The following CCSER1 variants were observed in gnomAD, a reference collection of about 807,000 sequenced individuals.
CCSER1 encodes coiled-coil serine rich protein 1.
Under a neutral mutation model 82.0 loss-of-function variants are expected in CCSER1, and 41 were observed. The ratio of observed to expected loss-of-function variants is 0.50; its 90% CI spans 0.39 to 0.65. The LOEUF (loss-of-function observed/expected upper bound fraction) is 0.65, where lower values mean the gene tolerates loss of function less well. Ranked by LOEUF, CCSER1 falls within the 30% of genes least tolerant of loss-of-function variation. The pLI, the probability that CCSER1 is intolerant of heterozygous loss-of-function variation, is 0.00. For missense variants in CCSER1, 1,119 were observed against 1,064.2 expected (o/e 1.05, Z -0.72); for synonymous variants, 414 against 383.9 (o/e 1.08, Z -0.92).
rs200732825 is a variant in CCSER1 at position 90,308,993 on chromosome 4, C to T, written c.709C>T (p.Arg237Trp). The T allele has an allele frequency of 3.9e-5, 63 of 1,613,650 alleles. No homozygotes were observed. Among genetic ancestry groups the T allele is most frequent in the South Asian group, 1.2e-4 (11 of 91,088 alleles). Residue 237 changes from arginine to tryptophan, a missense_variant, in exon 2 of 11, where the codon CGG (arginine) becomes TGG (tryptophan). By Grantham distance (101) the Arg-to-Trp change is moderately radical. Coordinates refer to ENST00000509176, the MANE Select transcript of CCSER1 (RefSeq NM_001145065.2). ...SPSCSVDVTE[R>W]AGSSLQSPLL... ...ATCCTGTTCTGTGGATGTAACAGAA[C>T]GGGCAGGAAGCTCTTTACAATCTCC... is the stretch of plus-strand genomic sequence containing the variant.
chr4:90,962,242 C>A (rs1043145022), intron 9 of CCSER1, among the ~76,000 whole-genome samples: 4 of 151,894 alleles, frequency 2.6e-5, no homozygotes, highest in African/African-American at 9.7e-5. Context: ...AAAAAAAAAT[C>A]TCTTAGTAAA....
intron 1 of CCSER1, among the ~76,000 whole-genome samples, chr4:90,180,141 T>TATATAA (rs1349233034): frequency 5.7e-5 from 8 of 139,310 alleles, no homozygotes; most frequent in East Asian, 2.0e-4. Flanking sequence ...TATATATATA[T>TATATAA]AAATTATATT....
intron 10 of CCSER1, among the ~76,000 whole-genome samples, chr4:91,580,492 G>T (rs1057462984): frequency 1.6e-4 from 24 of 151,848 alleles, no homozygotes; most frequent in African/African-American, 5.8e-4. Flanking sequence ...GATGAGAGAT[G>T]ATATGGTTAG....
chr4:91,280,819 G>A (rs1742860060), intron 10 of CCSER1, among the ~76,000 whole-genome samples: 1 of 152,294 alleles, frequency 6.6e-6, no homozygotes, highest in South Asian at 2.1e-4. Flanking sequence ...ACCTGGCTGT[G>A]GGAAGGGAAT....
chr4:91,173,529 G>T (rs528342633), intron 10 of CCSER1, among the ~76,000 whole-genome samples: 15 of 151,434 alleles, frequency 9.9e-5, no homozygotes, highest in South Asian at 2.1e-4. Flanking sequence ...GGGAGGTGGA[G>T]GTTGAAGTGA....
intron 4 of CCSER1, among the ~76,000 whole-genome samples, chr4:90,414,437 G>C (rs1317007572): frequency 6.6e-6 from 1 of 151,492 alleles, no homozygotes; most frequent in African/African-American, 2.4e-5. Context: ...ATTTTCTTGT[G>C]GTAAAATATT....
At chr4:90,187,261 A>C (rs1017149138) in intron 1 of CCSER1, among the ~76,000 whole-genome samples, 1 of 151,928 alleles carries the variant, frequency 6.6e-6, no homozygotes, top group Non-Finnish European at 1.5e-5. Context: ...ACTGCATCAT[A>C]GATTGGAGGC....
rs546892058 is a variant in CCSER1, at chr4:90,544,350, G to A, written c.1724+75996G>A. ...GAACTCACTGAAAGCTGTTATATGC[G>A]TGGTTATGACTTATTATGTCAAAAG... On this transcript the variant is annotated intron_variant, in intron 5 of 10. Coordinates refer to ENST00000509176, the MANE Select transcript of CCSER1 (RefSeq NM_001145065.2). 2.9e-4 allele frequency among the ~76,000 whole-genome samples: 44 copies of A among 152,180 alleles called. 1 individual carries two copies. In the South Asian group the frequency reaches 8.1e-3, roughly 28 times the overall value.
At chr4:90,615,522 A>G (rs2148845652) in intron 5 of CCSER1, among the ~76,000 whole-genome samples, 1 of 152,328 alleles carries the variant, frequency 6.6e-6, no homozygotes, top group East Asian at 1.9e-4. Context: ...GATGACTTCA[A>G]GGGGTTCAAG....
chr4:91,035,456 A>G (rs1741354950), intron 9 of CCSER1, among the ~76,000 whole-genome samples: 1 of 152,198 alleles, frequency 6.6e-6, no homozygotes, highest in African/African-American at 2.4e-5. Flanking sequence ...ATTTTCCTCC[A>G]TAAAACTGAA....
chr4:91,583,313 C>CA (rs770992347), intron 10 of CCSER1, among the ~76,000 whole-genome samples: 26 of 150,706 alleles, frequency 1.7e-4, no homozygotes, highest in Non-Finnish European at 2.2e-4. Context: ...ATATGCTATG[C>CA]AAAAAAAATT....
intron 6 of CCSER1, among the ~76,000 whole-genome samples, chr4:90,691,599 GTGTATATATCA>G (rs1735938070): frequency 6.8e-6 from 1 of 147,352 alleles, no homozygotes; most frequent in African/African-American, 2.5e-5. Context: ...TATATCACAT[GTGTATATATCA>G]CATGTATATA....
intron 10 of CCSER1, among the ~76,000 whole-genome samples, chr4:91,139,448 C>T (rs1728816807): frequency 6.6e-6 from 1 of 152,066 alleles, no homozygotes; most frequent in South Asian, 2.1e-4. Context: ...GAATAAGAGG[C>T]TTTATTATTT....
chr4:91,440,991 C>G (rs1376367344), intron 10 of CCSER1, among the ~76,000 whole-genome samples: 1 of 151,578 alleles, frequency 6.6e-6, no homozygotes, highest in Non-Finnish European at 1.5e-5. Context: ...GCTTACCAAC[C>G]AAAAAGAGTC....
chr4:90,697,759 G>A (rs191581764), intron 6 of CCSER1, among the ~76,000 whole-genome samples: 64 of 152,176 alleles, frequency 4.2e-4, no homozygotes, highest in African/African-American at 1.5e-3. Flanking sequence ...TTGATTTGCA[G>A]GTATTTTTCC....
intron 10 of CCSER1, among the ~76,000 whole-genome samples, chr4:91,109,817 C>T (rs1725940817): frequency 6.6e-6 from 1 of 151,920 alleles, no homozygotes; most frequent in Non-Finnish European, 1.5e-5. Context: ...AAGATTTAGG[C>T]ATTAATGGAG....
intron 9 of CCSER1, among the ~76,000 whole-genome samples, chr4:90,967,798 T>C (rs138316203): frequency 1.6e-4 from 24 of 152,172 alleles, no homozygotes; most frequent in African/African-American, 5.8e-4. Context: ...ACATATTTTT[T>C]CACAATCTCC....
intron 3 of CCSER1, among the ~76,000 whole-genome samples, chr4:90,353,936 A>G (rs947758646): frequency 6.6e-6 from 1 of 152,212 alleles, no homozygotes; most frequent in African/African-American, 2.4e-5. Context: ...TTCTGACTGT[A>G]TATCTGAAGG....
intron 1 of CCSER1, among the ~76,000 whole-genome samples, chr4:90,150,883 AT>A (rs1003125480): frequency 6.6e-6 from 1 of 152,186 alleles, no homozygotes; most frequent in African/African-American, 2.4e-5. Context: ...TATCCAATGT[AT>A]CTCATCATTC....
Sources: allele counts gnomAD v4.1 joint callset (sites outside exome capture counted in the v4.1 genomes callset), GRCh38; gene constraint gnomAD v4.1.1; transcripts MANE v1.5; gene names NCBI Gene and HGNC (gene_info 2026-07-23, HGNC 2026-07-21).